Variants in LRMDA observed in about 807,000 individuals in gnomAD.
LRMDA encodes the protein leucine-rich melanocyte differentiation-associated protein.
Under a neutral mutation model 29.8 loss-of-function variants are expected in LRMDA, and 18 were observed. The observed-to-expected ratio is 0.60, with a 90% CI of 0.42 to 0.90. The LOEUF (loss-of-function observed/expected upper bound fraction) is 0.90. Ranked by LOEUF, LRMDA falls within the 40% of genes least tolerant of loss-of-function variation. LRMDA has a pLI of 0.00. For missense variants in LRMDA, 273 were observed against 273.9 expected, an observed-to-expected ratio of 1.00 and a Z score of 0.02; for synonymous variants, 125 against 109.4, an observed-to-expected ratio of 1.14 and a Z score of -0.89.
chr10:76,524,783 G>T (rs894987138), intron 6 of LRMDA, among the ~76,000 whole-genome samples: 2 of 152,234 alleles, frequency 1.3e-5, no homozygotes, highest in African/African-American at 4.8e-5. Context: ...GCCAGTGGCA[G>T]TGCCATCTCG....
intron 2 of LRMDA, among the ~76,000 whole-genome samples, chr10:75,613,392 A>G (rs1841058234): frequency 1.3e-5 from 2 of 152,172 alleles, no homozygotes; most frequent in Non-Finnish European, 2.9e-5. Flanking sequence ...TGTCCTAAGA[A>G]ACGGAGAGGA....
At chr10:76,201,042 G>A (rs1851417489) in intron 5 of LRMDA, among the ~76,000 whole-genome samples, 1 of 148,478 alleles carries the variant, frequency 6.7e-6, no homozygotes, top group African/African-American at 2.5e-5. Context: ...GTAACGCTTA[G>A]TGACCCCATA....
chr10:75,847,690 A>T (rs573790524), intron 2 of LRMDA, among the ~76,000 whole-genome samples: 1 of 152,336 alleles, frequency 6.6e-6, no homozygotes, highest in Non-Finnish European at 1.5e-5. Context: ...AAGGACATGA[A>T]TAGAAGTTCT....
intron 2 of LRMDA, among the ~76,000 whole-genome samples, chr10:76,004,730 T>TTTTC: frequency 6.7e-6 from 1 of 150,000 alleles, no homozygotes; most frequent in Non-Finnish European, 1.5e-5. Context: ...CTTTTAATTT[T>TTTTC]TTTTTTTTTT....
At chr10:76,412,861 A>G (rs539668993) in intron 6 of LRMDA, among the ~76,000 whole-genome samples, 1 of 152,040 alleles carries the variant, frequency 6.6e-6, no homozygotes, top group Non-Finnish European at 1.5e-5. Context: ...CTAAAAGAAT[A>G]ATTTAGACTT....
At chr10:75,681,935 C>T (rs1389024138) in intron 2 of LRMDA, among the ~76,000 whole-genome samples, 1 of 152,210 alleles carries the variant, frequency 6.6e-6, no homozygotes, top group African/African-American at 2.4e-5. Flanking sequence ...TCTGACTCAG[C>T]CTCTTGCCCA....
At chr10:76,438,766 T>C (rs1419031632) in intron 6 of LRMDA, 3 of 152,244 alleles carry the variant, frequency 2.0e-5, no homozygotes, top group Admixed American at 1.3e-4. Context: ...CGATTCTTTA[T>C]TACTGTGGAG....
chr10:75,816,924 G>C (rs1844071326), intron 2 of LRMDA, among the ~76,000 whole-genome samples: 1 of 152,136 alleles, frequency 6.6e-6, no homozygotes, highest in Non-Finnish European at 1.5e-5. Flanking sequence ...GGGCAAACAT[G>C]GCCATGATAT....
At chr10:75,502,915 C>T (rs1051133056) in intron 2 of LRMDA, among the ~76,000 whole-genome samples, 9 of 152,248 alleles carry the variant, frequency 5.9e-5, no homozygotes, top group South Asian at 2.1e-4. Flanking sequence ...GCAACCTTTT[C>T]TTCTCTTTCC....
chr10:75,431,818 A>AC, intron 1 of LRMDA, 64 bp downstream of exon 1: 1 of 1,281,460 alleles, frequency 7.8e-7, no homozygotes, highest in Non-Finnish European at 9.9e-7. Context: ...ACAGCGGGGC[A>AC]CAGAGGCTCC....
chr10:75,450,159 C>T (rs1050234448), intron 2 of LRMDA: 1 of 152,326 alleles, frequency 6.6e-6, no homozygotes. Context: ...TCTTCCATCC[C>T]AGCTGCTTTC....
intron 5 of LRMDA, among the ~76,000 whole-genome samples, chr10:76,111,913 A>C (rs973969442): frequency 6.6e-6 from 1 of 152,316 alleles, no homozygotes; most frequent in East Asian, 1.9e-4. Flanking sequence ...TTGCGGCACC[A>C]GTCCGGGGAG....
intron 5 of LRMDA, among the ~76,000 whole-genome samples, chr10:76,228,332 T>C (rs575241715): frequency 6.6e-6 from 1 of 152,286 alleles, no homozygotes; most frequent in East Asian, 1.9e-4. Context: ...GGTCATTTAA[T>C]CTATTTTAAC....
At chr10:75,927,554 C>T (rs1015804768) in intron 2 of LRMDA, among the ~76,000 whole-genome samples, 1 of 152,170 alleles carries the variant, frequency 6.6e-6, no homozygotes, top group Non-Finnish European at 1.5e-5. Context: ...GCTTTAATTT[C>T]AGGTAGCCCT....
At chr10:75,990,796 AC>A (rs1847354058) in intron 2 of LRMDA, among the ~76,000 whole-genome samples, 1 of 152,128 alleles carries the variant, frequency 6.6e-6, no homozygotes, top group South Asian at 2.1e-4. Flanking sequence ...GGCTGCTGGG[AC>A]TCGAATGAGG....
intron 2 of LRMDA, among the ~76,000 whole-genome samples, chr10:75,755,234 G>C (rs1398429510): frequency 6.6e-6 from 1 of 152,180 alleles, no homozygotes; most frequent in East Asian, 1.9e-4. Flanking sequence ...AAAAGTCTTA[G>C]TTAAATGAAA....
At chr10:76,246,818 C>T (rs1177774416) in intron 5 of LRMDA, among the ~76,000 whole-genome samples, 1 of 152,124 alleles carries the variant, frequency 6.6e-6, no homozygotes, top group Admixed American at 6.5e-5. Flanking sequence ...TGTCCCTTGT[C>T]CTGAAAGACC....
chr10:75,991,498 A>G (rs1275343121), intron 2 of LRMDA, among the ~76,000 whole-genome samples: 1 of 152,224 alleles, frequency 6.6e-6, no homozygotes, highest in Admixed American at 6.5e-5. Flanking sequence ...TGTAAAATCA[A>G]CATGTCATAA....
intron 2 of LRMDA, among the ~76,000 whole-genome samples, chr10:75,836,113 T>C (rs185373791): frequency 1.3e-5 from 2 of 152,142 alleles, no homozygotes; most frequent in East Asian, 3.9e-4. Context: ...GTAAAGGGTT[T>C]CTTATGTTCT....
Sources: allele counts gnomAD v4.1 joint callset (sites outside exome capture counted in the v4.1 genomes callset), GRCh38; gene constraint gnomAD v4.1.1; transcripts MANE v1.5; gene names NCBI Gene and HGNC (gene_info 2026-07-23, HGNC 2026-07-21).